TPH2: variants seen among roughly 807,000 people sequenced by gnomAD.
TPH2 encodes tryptophan 5-hydroxylase 2.
A neutral mutation model predicts 59.1 loss-of-function variants in TPH2; 27 were observed. The ratio of observed to expected loss-of-function variants is 0.46; its 90% CI spans 0.34 to 0.63. The LOEUF (loss-of-function observed/expected upper bound fraction) is 0.63, where lower values mean the gene tolerates loss of function less well. Among genes scored for constraint, TPH2 ranks in the 30% least tolerant of loss-of-function variants. The probability of loss-of-function intolerance (pLI) is 0.01; values close to 1 mark genes in which losing one functional copy is unlikely to be tolerated. For synonymous variants in TPH2, 220 were observed against 210.5 expected (o/e 1.05, Z -0.39); for missense variants, 523 against 588.3 (o/e 0.89, Z 1.15).
chr12:71,981,002 G>A (rs1417199389), intron 7 of TPH2, among the ~76,000 whole-genome samples: 1 of 152,204 alleles, frequency 6.6e-6, no homozygotes, highest in African/African-American at 2.4e-5. Flanking sequence ...AGGAAATAGT[G>A]TGGTTAGGGT....
chr12:71,981,419 G>A (rs1302973253), intron 7 of TPH2, among the ~76,000 whole-genome samples: 1 of 152,120 alleles, frequency 6.6e-6, no homozygotes, highest in Non-Finnish European at 1.5e-5. Flanking sequence ...TGGGGGTGAG[G>A]GCTGGGGAAT....
At chr12:71,969,560 T>C (rs1871915727) in intron 5 of TPH2, among the ~76,000 whole-genome samples, 1 of 152,226 alleles carries the variant, frequency 6.6e-6, no homozygotes, top group Admixed American at 6.5e-5. Flanking sequence ...AACCTCACAG[T>C]CTTACTGGGA....
chr12:72,025,774 A>C (rs1436572405), intron 9 of TPH2, among the ~76,000 whole-genome samples: 1 of 152,212 alleles, frequency 6.6e-6, no homozygotes, highest in Non-Finnish European at 1.5e-5. Flanking sequence ...GACTTTAAAG[A>C]AAAGGTTGAA....
chr12:71,985,774 T>C lies in TPH2; in HGVS notation c.941+6687T>C, dbSNP rs113794959. ...CTAAAGACTGTTTATGGCTATTATATAGTTTAGTGCTGTGCTGCCCCATCC... is the reference window on the plus strand; with the variant it reads ...CTAAAGACTGTTTATGGCTATTATACAGTTTAGTGCTGTGCTGCCCCATCC... On this transcript the variant is annotated intron_variant, in intron 7 of 10. Transcript: ENST00000333850. 7.4e-3 allele frequency among the ~76,000 whole-genome samples: 1,130 copies of C among 152,254 alleles called. 12 individuals are homozygous for C. Among genetic ancestry groups the C allele is most frequent in the East Asian group, 0.039 (201 of 5,184 alleles).
chr12:72,026,511 AG>A (rs1873571516), intron 9 of TPH2, among the ~76,000 whole-genome samples: 1 of 152,220 alleles, frequency 6.6e-6, no homozygotes, highest in Non-Finnish European at 1.5e-5. Context: ...AAGAGGCCCA[AG>A]GGCCTTGCAG....
At chr12:72,011,646 TC>T (rs1259955674) in intron 8 of TPH2, among the ~76,000 whole-genome samples, 3 of 152,196 alleles carry the variant, frequency 2.0e-5, no homozygotes, top group Non-Finnish European at 2.9e-5. Flanking sequence ...TGAAAAACTT[TC>T]CCCCTGACAT....
intron 8 of TPH2, among the ~76,000 whole-genome samples, chr12:72,004,358 A>C (rs751965998): frequency 6.6e-6 from 1 of 150,464 alleles, no homozygotes; most frequent in Non-Finnish European, 1.5e-5. Flanking sequence ...AATGATGTAC[A>C]TATGACATTA....
intron 7 of TPH2, among the ~76,000 whole-genome samples, chr12:71,986,139 G>C (rs573256202): frequency 1.4e-4 from 22 of 152,282 alleles, no homozygotes; most frequent in African/African-American, 5.1e-4. Context: ...AGAAATGTAG[G>C]CCCCTCTCTC....
At chr12:72,007,180 G>A (rs1872976577) in intron 8 of TPH2, among the ~76,000 whole-genome samples, 1 of 151,032 alleles carries the variant, frequency 6.6e-6, no homozygotes, top group South Asian at 2.1e-4. Context: ...ATAGAGGTAA[G>A]GCCTCCCCTA....
intron 5 of TPH2, among the ~76,000 whole-genome samples, chr12:71,960,989 A>G (rs1319099865): frequency 6.6e-6 from 1 of 151,982 alleles, no homozygotes; most frequent in East Asian, 1.9e-4. Flanking sequence ...GGCACTAGGC[A>G]CTGGCCAGGA....
intron 9 of TPH2, among the ~76,000 whole-genome samples, chr12:72,024,542 G>T (rs1339899197): frequency 1.3e-5 from 2 of 152,224 alleles, no homozygotes; most frequent in African/African-American, 4.8e-5. Context: ...CCCAATAAGG[G>T]CATGCACTCT....
At chr12:72,016,329 C>G (rs1873253683) in intron 8 of TPH2, among the ~76,000 whole-genome samples, 1 of 152,056 alleles carries the variant, frequency 6.6e-6, no homozygotes, top group African/African-American at 2.4e-5. Flanking sequence ...TACTCAAACA[C>G]CAAATATTGT....
chr12:71,959,410 T>C (rs759250073), intron 5 of TPH2, among the ~76,000 whole-genome samples: 10 of 152,222 alleles, frequency 6.6e-5, no homozygotes, highest in Non-Finnish European at 1.3e-4. Context: ...TGCTCAGTAC[T>C]GTGCGCACTA....
intron 9 of TPH2, 74 bp from the exon 10 acceptor site, chr12:72,031,184 T>C: frequency 6.3e-7 from 1 of 1,591,862 alleles, no homozygotes; most frequent in Non-Finnish European, 8.6e-7. Flanking sequence ...TCAAATGTGT[T>C]GTAAAAATGT....
chr12:72,027,208 A>G (rs1215942336), intron 9 of TPH2, among the ~76,000 whole-genome samples: 2 of 152,228 alleles, frequency 1.3e-5, no homozygotes, highest in African/African-American at 2.4e-5. Context: ...GGCAGACACT[A>G]TCATAGTCTA....
chr12:71,965,284 C>T (rs1871787842), intron 5 of TPH2: 1 of 152,120 alleles, frequency 6.6e-6, no homozygotes, highest in Non-Finnish European at 1.5e-5. Flanking sequence ...GATTTATATT[C>T]CTCTGGGTAT....
chr12:72,005,897 T>C (rs1040212063), intron 8 of TPH2, among the ~76,000 whole-genome samples: 4 of 152,206 alleles, frequency 2.6e-5, no homozygotes, highest in Non-Finnish European at 5.9e-5. Flanking sequence ...TCCAGTCTAA[T>C]CAATACTCGC....
chr12:71,943,096 T>C (rs1871117577), intron 2 of TPH2, among the ~76,000 whole-genome samples: 1 of 152,194 alleles, frequency 6.6e-6, no homozygotes, highest in Non-Finnish European at 1.5e-5. Flanking sequence ...GTATGTGAAG[T>C]CTATTGGGCC....
At chr12:71,993,739 T>C (rs1249022970) in intron 7 of TPH2, among the ~76,000 whole-genome samples, 1 of 152,202 alleles carries the variant, frequency 6.6e-6, no homozygotes, top group African/African-American at 2.4e-5. Flanking sequence ...ATGATGACAA[T>C]AGAATCCTCT....
Sources: gnomAD v4.1 joint callset for allele counts (sites outside exome capture counted in the v4.1 genomes callset) on GRCh38, gnomAD v4.1.1 for gene constraint, MANE v1.5 for transcripts, NCBI Gene and HGNC (gene_info 2026-07-23, HGNC 2026-07-21) for gene names.